PCDHA4: variants seen among roughly 807,000 people sequenced by gnomAD.
PCDHA4 encodes protocadherin alpha 4, also known as protocadherin alpha-4.
A neutral mutation model predicts 61.4 loss-of-function variants in PCDHA4; 49 were observed. That is an observed-to-expected ratio of 0.80 (90% CI 0.63 to 1.01). The LOEUF is 1.01. Among genes scored for constraint, PCDHA4 ranks in the 50% least tolerant of loss-of-function variants. The pLI is 0.00. For synonymous variants in PCDHA4, 590 were observed against 550.3 expected (o/e 1.07, Z -1.01); for missense variants, 1,254 against 1,235.8 (o/e 1.01, Z -0.22).
rs1016261014 is a variant in PCDHA4 at position 140,830,559 on chromosome 5, A to G, written c.2385+20987A>G. ...ATTGTTTTCCTCATATTTGTCTTCT[A>G]TATTTCTGTTTTTAATTTTTAATTA... On this transcript the variant is annotated intron_variant, in intron 1 of 3. Transcript: ENST00000530339. 69 of 1,015,108 alleles carry G rather than the reference A, an allele frequency of 6.8e-5. 1 individual carries two copies. Among genetic ancestry groups the G allele is most frequent in the African/African-American group, 1.5e-4 (9 of 59,492 alleles). The allele number at this position is 1,015,108 out of a possible 1,614,324, so 62.9% of individuals were successfully genotyped here.
At chr5:140,818,626 C>G (rs1235638442) in intron 1 of PCDHA4, among the ~76,000 whole-genome samples, 8 of 152,076 alleles carry the variant, frequency 5.3e-5, no homozygotes, top group Non-Finnish European at 8.8e-5. Context: ...TGCTTGAGCC[C>G]AGGAGTTCAA....
At chr5:140,919,050 G>T (rs2153552038) in intron 1 of PCDHA4, among the ~76,000 whole-genome samples, 1 of 152,302 alleles carries the variant, frequency 6.6e-6, no homozygotes, top group Admixed American at 6.5e-5. Context: ...ATTATTGGAA[G>T]TGGAGTATTA....
intron 1 of PCDHA4, among the ~76,000 whole-genome samples, chr5:140,906,929 C>T (rs1488297059): frequency 3.9e-5 from 6 of 152,122 alleles, no homozygotes; most frequent in African/African-American, 9.7e-5. Flanking sequence ...AAAAGTGTCC[C>T]GGTGTCAATC....
At chr5:140,967,815 A>G in intron 1 of PCDHA4, 1 of 1,614,180 alleles carries the variant, frequency 6.2e-7, no homozygotes. Context: ...GGTCACTGCA[A>G]GGTGCTGGTG....
chr5:140,981,687 A>ATCAT (rs200213847), intron 2 of PCDHA4, among the ~76,000 whole-genome samples: 1,547 of 152,086 alleles, frequency 0.01, 18 homozygotes, highest in African/African-American at 0.031. Flanking sequence ...CCTCCCTTCC[A>ATCAT]TCATTCATTC....
At position 140,843,448 on chromosome 5, in the gene PCDHA4, C is replaced by A. The variant is rs2150360253; in HGVS notation, c.2385+33876C>A. 12 of 1,595,998 alleles carry A rather than the reference C, an allele frequency of 7.5e-6. 1 individual carries two copies. The highest frequency in any genetic ancestry group is 1.3e-5 in the African/African-American group (1 of 74,422). ...TCATCGCCATCTGCGCGGTATCCAGCCTGCTGGTGCTCACGCTGCTGCTGT... is the reference window on the plus strand; with the variant it reads ...TCATCGCCATCTGCGCGGTATCCAGACTGCTGGTGCTCACGCTGCTGCTGT... On this transcript the variant is annotated intron_variant, in intron 1 of 3. Transcript: ENST00000530339.
chr5:140,877,625 A>T (rs1554169929), intron 1 of PCDHA4: 1 of 1,613,774 alleles, frequency 6.2e-7, no homozygotes, highest in Non-Finnish European at 8.5e-7. Context: ...CTGCTGCTGT[A>T]CACTGCGCTG....
rs530025575 is a variant in PCDHA4 at position 140,922,023 on chromosome 5, TA to T, written c.2386-56920del. On this transcript the variant is annotated intron_variant, in intron 1 of 3. Coordinates refer to ENST00000530339, the MANE Select transcript of PCDHA4 (RefSeq NM_018907.4). ...AATGATTAGTTTAAAAAAATAAATA[TA>T]AAAAATGTAATTTTCCCACATACCT... Among the ~76,000 whole-genome samples, 1,214 of 152,080 alleles carry T rather than the reference TA, an allele frequency of 8.0e-3. 6 individuals carry two copies. The highest frequency in any genetic ancestry group is 0.019 in the African/African-American group (784 of 41,506).
intron 1 of PCDHA4, chr5:140,830,289 C>T (rs1554132712): frequency 1.2e-6 from 2 of 1,613,858 alleles, no homozygotes; most frequent in Non-Finnish European, 1.7e-6. Flanking sequence ...GGCGCGTGCA[C>T]GGCGGACAAG....
intron 1 of PCDHA4, chr5:140,876,687 C>CA (rs2056504367): frequency 1.2e-6 from 2 of 1,614,212 alleles, no homozygotes; most frequent in Non-Finnish European, 1.7e-6. Context: ...AGAATTACTA[C>CA]TCGTTGGTGC....
Position 140,959,365 on chromosome 5 carries a change from C to A in PCDHA4, c.2386-19584C>A, listed in dbSNP as rs77362755. On this transcript the variant is annotated intron_variant, in intron 1 of 3. Transcript: ENST00000530339. ...ACTCCAGCGGGACAACTGAGTGAGA[C>A]CCTGTCTCAAAAAAAAAAGTCACAA... Among the ~76,000 whole-genome samples the A allele has an allele frequency of 1.0e-3, 158 of 151,880 alleles. 5 individuals carry two copies. In the East Asian group the frequency reaches 0.028, roughly 27 times the overall value.
chr5:140,990,155 G>A (rs1483856647), intron 3 of PCDHA4, among the ~76,000 whole-genome samples: 2 of 152,076 alleles, frequency 1.3e-5, no homozygotes, highest in Admixed American at 6.5e-5. Context: ...ATAATAGAAA[G>A]TTAGGGTATG....
chr5:140,848,775 G>A, intron 1 of PCDHA4: 1 of 1,593,566 alleles, frequency 6.3e-7, no homozygotes, highest in Non-Finnish European at 8.6e-7. Context: ...CGACCGCGAG[G>A]AGCTGTGCGG....
At chr5:140,898,100 G>C (rs1273803096) in intron 1 of PCDHA4, among the ~76,000 whole-genome samples, 2 of 152,132 alleles carry the variant, frequency 1.3e-5, no homozygotes, top group African/African-American at 4.8e-5. Flanking sequence ...CCCTTTGTCA[G>C]ATGAGTAGGT....
At chr5:140,919,110 C>T (rs1274257448) in intron 1 of PCDHA4, among the ~76,000 whole-genome samples, 3 of 152,118 alleles carry the variant, frequency 2.0e-5, no homozygotes, top group Non-Finnish European at 2.9e-5. Flanking sequence ...TTCATTTCTG[C>T]CAGTTTTTGC....
At chr5:140,920,910 A>C (rs2153559145) in intron 1 of PCDHA4, among the ~76,000 whole-genome samples, 1 of 151,920 alleles carries the variant, frequency 6.6e-6, no homozygotes, top group East Asian at 1.9e-4. Context: ...TTCTCAAATC[A>C]GTTCCAAGAG....
intron 1 of PCDHA4, chr5:140,967,981 G>C: frequency 6.2e-7 from 1 of 1,614,202 alleles, no homozygotes; most frequent in Non-Finnish European, 8.5e-7. Flanking sequence ...TGGGTCTGGA[G>C]GCCACACTGC....
chr5:140,845,984 T>C (rs2150383304), intron 1 of PCDHA4, among the ~76,000 whole-genome samples: 2 of 149,806 alleles, frequency 1.3e-5, no homozygotes, highest in African/African-American at 4.9e-5. Flanking sequence ...ATATTTTGAA[T>C]GTTGTGTGGT....
chr5:140,877,508 C>G (rs892674985), intron 1 of PCDHA4: 1 of 1,613,808 alleles, frequency 6.2e-7, no homozygotes, highest in Admixed American at 1.7e-5. Flanking sequence ...CCAAAGACGT[C>G]GTCGCGGGCC....
Sources: allele counts gnomAD v4.1 joint callset (sites outside exome capture counted in the v4.1 genomes callset), GRCh38; gene constraint gnomAD v4.1.1; transcripts MANE v1.5; gene names NCBI Gene and HGNC (gene_info 2026-07-23, HGNC 2026-07-21).